Variants in NDUFA12 observed in about 807,000 individuals in gnomAD.
NDUFA12 encodes NADH:ubiquinone oxidoreductase subunit A12.
NDUFA12 carries 17 observed loss-of-function variants against 20.3 expected under a neutral mutation model. The observed-to-expected ratio is 0.84, with a 90% CI of 0.57 to 1.26. The LOEUF (loss-of-function observed/expected upper bound fraction) is 1.26. NDUFA12 is among the 50% of genes most tolerant of loss of function. NDUFA12 has a pLI of 0.00. For synonymous variants in NDUFA12, 72 were observed against 63.6 expected, an observed-to-expected ratio of 1.13 and a Z score of -0.63; for missense variants, 191 against 183.7, an observed-to-expected ratio of 1.04 and a Z score of -0.23.
intron 3 of NDUFA12, among the ~76,000 whole-genome samples, chr12:94,985,494 G>A (rs1271620199): frequency 6.6e-6 from 1 of 151,512 alleles, no homozygotes; most frequent in African/African-American, 2.4e-5. Context: ...GGGCATGGTG[G>A]TCAGCGCCTG....
chr12:94,992,781 G>C (rs1295813282), intron 3 of NDUFA12, among the ~76,000 whole-genome samples: 1 of 152,152 alleles, frequency 6.6e-6, no homozygotes, highest in Non-Finnish European at 1.5e-5. Flanking sequence ...CAAGTTTTCA[G>C]ATGATTCCAG....
chr12:94,993,256 AGGTGGGT>A, intron 3 of NDUFA12, among the ~76,000 whole-genome samples: 6 of 90,188 alleles, frequency 6.7e-5, no homozygotes, highest in Non-Finnish European at 1.6e-4. Flanking sequence ...TGAGAGGCCG[AGGTGGGT>A]GGATCACTTG....
chr12:94,985,543 C>T (rs570094795), intron 3 of NDUFA12, among the ~76,000 whole-genome samples: 4 of 143,154 alleles, frequency 2.8e-5, no homozygotes, highest in East Asian at 4.2e-4. Context: ...AGGAGAATGA[C>T]GTGAACCTGG....
intron 3 of NDUFA12, among the ~76,000 whole-genome samples, chr12:94,975,226 C>G (rs1230270425): frequency 6.6e-6 from 1 of 151,940 alleles, no homozygotes; most frequent in Non-Finnish European, 1.5e-5. Context: ...CTAAAAGAAA[C>G]AGGGGAAAAT....
chr12:95,002,264 A>AC (rs1252840590), intron 2 of NDUFA12, among the ~76,000 whole-genome samples: 4 of 150,162 alleles, frequency 2.7e-5, no homozygotes, highest in African/African-American at 4.9e-5. Flanking sequence ...ATATGGTGAA[A>AC]CCCCATCTCT....
chr12:94,996,324 TACACACACACACACAC>T (rs71075891), intron 2 of NDUFA12, among the ~76,000 whole-genome samples: 1 of 141,184 alleles, frequency 7.1e-6, no homozygotes, highest in Non-Finnish European at 1.5e-5. Context: ...CATATATAGG[TACACACACACACACAC>T]ACACACACAC....
At chr12:94,971,672 T>TG in intron 3 of NDUFA12, 52 bp from the exon 4 acceptor site, 1 of 1,598,670 alleles carries the variant, frequency 6.3e-7, no homozygotes, top group Non-Finnish European at 8.6e-7. Context: ...TACAGCATAG[T>TG]GGAAGGACGG....
At chr12:94,978,245 T>C (rs1173910100) in intron 3 of NDUFA12, among the ~76,000 whole-genome samples, 2 of 152,230 alleles carry the variant, frequency 1.3e-5, no homozygotes, top group African/African-American at 4.8e-5. Flanking sequence ...TCACTTAGCA[T>C]GTTGGGAACG....
rs560657687 is a variant in NDUFA12 at position 94,991,343 on chromosome 12, G to GATA, written c.257+2826_257+2827insTAT. ...TGGCAAGTGGTTACCCTATTGGACA[G>GATA]GGCAGATAAAGAACACTTCCGTCAT... On this transcript the variant is annotated intron_variant, in intron 3 of 3. Coordinates refer to ENST00000327772, the MANE Select transcript of NDUFA12 (RefSeq NM_018838.5). 1.0e-3 allele frequency among the ~76,000 whole-genome samples: 152 copies of GATA among 152,124 alleles called. 1 individual carries two copies. Among genetic ancestry groups the GATA allele is most frequent in the African/African-American group, 3.6e-3 (148 of 41,476 alleles).
intron 3 of NDUFA12, among the ~76,000 whole-genome samples, chr12:94,977,260 G>A (rs1053436654): frequency 1.3e-5 from 2 of 152,160 alleles, no homozygotes; most frequent in African/African-American, 4.8e-5. Flanking sequence ...GCTTTGGGAG[G>A]CCAAGGTTGG....
chr12:94,998,569 T>C (rs929672892), intron 2 of NDUFA12, among the ~76,000 whole-genome samples: 1 of 152,186 alleles, frequency 6.6e-6, no homozygotes, highest in African/African-American at 2.4e-5. Context: ...TAGGATTATA[T>C]ATCTAGAAAA....
At chr12:94,985,612 A>G in intron 3 of NDUFA12, among the ~76,000 whole-genome samples, 1 of 142,434 alleles carries the variant, frequency 7.0e-6, no homozygotes, top group Non-Finnish European at 1.5e-5. Flanking sequence ...GGGAGACAGA[A>G]CAAGACTCCA....
intron 3 of NDUFA12, among the ~76,000 whole-genome samples, chr12:94,979,571 C>G (rs950992665): frequency 2.0e-5 from 3 of 151,956 alleles, no homozygotes; most frequent in African/African-American, 7.3e-5. Context: ...TGGCTTACAC[C>G]TGTAATCCCA....
intron 3 of NDUFA12, among the ~76,000 whole-genome samples, chr12:94,988,584 C>T (rs1874530940): frequency 6.6e-6 from 1 of 152,200 alleles, no homozygotes; most frequent in Non-Finnish European, 1.5e-5. Flanking sequence ...AATAACTCCT[C>T]CCTTCTCAGG....
chr12:95,001,583 G>A (rs1215914703), intron 2 of NDUFA12, among the ~76,000 whole-genome samples: 1 of 151,882 alleles, frequency 6.6e-6, no homozygotes, highest in Non-Finnish European at 1.5e-5. Context: ...AGCCATGATC[G>A]AGTCACTGCA....
chr12:94,986,719 G>A (rs1267759082), intron 3 of NDUFA12, among the ~76,000 whole-genome samples: 1 of 152,068 alleles, frequency 6.6e-6, no homozygotes, highest in Non-Finnish European at 1.5e-5. Flanking sequence ...TTAAGCCCAG[G>A]AGGTTGAGGC....
chr12:95,002,689 C>T (rs368742348), intron 2 of NDUFA12, 50 bp downstream of exon 2: 149 of 1,378,746 alleles, frequency 1.1e-4, no homozygotes, highest in Non-Finnish European at 1.5e-4. Context: ...AGACTCAAAT[C>T]AAATCCCAAT....
intron 3 of NDUFA12, among the ~76,000 whole-genome samples, chr12:94,978,260 T>C (rs1046397429): frequency 5.9e-5 from 9 of 152,212 alleles, no homozygotes; most frequent in African/African-American, 2.2e-4. Context: ...GGAACGCTAG[T>C]GCACTGCAAG....
rs1874231018 is a variant in NDUFA12 at position 94,981,301 on chromosome 12, AGC to A, written c.258-9683_258-9682del. ...ACATACATACATACATACAAACAGT[AGC>A]CGGGCATGGTGGCCCGTGCCTGTAG... On this transcript the variant is annotated intron_variant, in intron 3 of 3. Coordinates refer to ENST00000327772, the MANE Select transcript of NDUFA12 (RefSeq NM_018838.5). 4.3e-5 allele frequency among the ~76,000 whole-genome samples: 5 copies of A among 116,990 alleles called. No homozygotes were observed. The South Asian group carries it at 1.4e-3, about 33-fold the overall frequency. The allele number at this position is 116,990 out of a possible 152,430, so 76.7% of individuals were successfully genotyped here.
Sources: allele counts gnomAD v4.1 joint callset (sites outside exome capture counted in the v4.1 genomes callset), GRCh38; gene constraint gnomAD v4.1.1; transcripts MANE v1.5; gene names NCBI Gene and HGNC (gene_info 2026-07-23, HGNC 2026-07-21).